Variants in LRRC32 observed in about 807,000 individuals in gnomAD.
LRRC32 encodes transforming growth factor beta activator LRRC32.
LRRC32 carries 5 observed loss-of-function variants against 15.0 expected under a neutral mutation model. The ratio of observed to expected loss-of-function variants is 0.33; its 90% CI spans 0.17 to 0.70. LRRC32 has a LOEUF of 0.70. LRRC32 is among the 30% of genes least tolerant of loss of function. LRRC32 has a pLI of 0.66. For missense variants in LRRC32, 803 were observed against 854.2 expected (o/e 0.94, Z 0.75); for synonymous variants, 391 against 403.9 (o/e 0.97, Z 0.38).
intron 1 of LRRC32, among the ~76,000 whole-genome samples, chr11:76,666,870 A>C (rs1952634665): frequency 6.6e-6 from 1 of 152,230 alleles, no homozygotes. Flanking sequence ...CTGGGAACTC[A>C]AAAAACAAAT....
In LRRC32 at chr11:76,670,709, C is replaced by G. The variant is rs1053688137; in HGVS notation, c.-100G>C. 6.6e-6 allele frequency: 1 copy of G among 152,132 alleles called. No homozygotes were observed. The highest frequency in any genetic ancestry group is 6.5e-5 in the Admixed American group (1 of 15,290). 9.4% of individuals were successfully genotyped at this position (152,132 alleles called of 1,614,324 possible). On this transcript the variant is annotated 5_prime_UTR_variant, in exon 1 of 3. Coordinates refer to ENST00000260061, the MANE Select transcript of LRRC32 (RefSeq NM_001128922.2). Reference sequence around the variant, plus strand: ...CCCACCCCGCGCCAGACCCCGGGGTCACGGCCCGAGGAGGAGCAGGCCGCT... The same window carrying G: ...CCCACCCCGCGCCAGACCCCGGGGTGACGGCCCGAGGAGGAGCAGGCCGCT...
intron 2 of LRRC32, 111 bp downstream of exon 2, chr11:76,665,760 C>T (rs1448390583): frequency 2.7e-6 from 4 of 1,505,878 alleles, no homozygotes; most frequent in Non-Finnish European, 3.6e-6. Flanking sequence ...AGGTACATTC[C>T]CTTTCCTCTC....
At chr11:76,668,018 A>G (rs144323445) in intron 1 of LRRC32, among the ~76,000 whole-genome samples, 25 of 152,328 alleles carry the variant, frequency 1.6e-4, no homozygotes, top group African/African-American at 6.0e-4. Flanking sequence ...CACAGCACCA[A>G]GCCCTCCGTG....
Position 76,660,864 on chromosome 11 carries a change from G to A in LRRC32, c.729C>T (p.Phe243=). 6.2e-7 allele frequency: 1 copy of A among 1,614,194 alleles called. No homozygotes were observed. Among genetic ancestry groups the A allele is most frequent in the Non-Finnish European group, 8.5e-7 (1 of 1,180,020 alleles). The stretch of plus-strand genomic sequence containing the variant: ...CCCGCAGGTCAAGCCAGGTGAGCTG[G>A]AACTCAGCCTGGGGCTGGGAGGCCG... ...FQTASQPQAE[F]QLTWLDLREN... The change falls in exon 3 of 3, where the codon TTC becomes TTT. Residue 243 remains phenylalanine (F), a synonymous_variant. Transcript: ENST00000260061.
At position 76,659,412 on chromosome 11, in the gene LRRC32, A is replaced by G. The variant is rs1189083293; in HGVS notation, c.*192T>C. The G allele has an allele frequency of 4.9e-6, 3 of 613,552 alleles. No individual in the cohort carries two copies. The highest frequency in any genetic ancestry group is 8.4e-6 in the Non-Finnish European group (3 of 357,480). The allele number at this position is 613,552 out of a possible 1,614,324, so 38.0% of individuals were successfully genotyped here. ...TGAAACCGCCCAACTTCTGGCTTCCACAGCTGGACCCAAAGTGCAGCCCGG... is the reference window on the plus strand; with the variant it reads ...TGAAACCGCCCAACTTCTGGCTTCCGCAGCTGGACCCAAAGTGCAGCCCGG... On this transcript the variant is annotated 3_prime_UTR_variant, in exon 3 of 3. Coordinates refer to ENST00000260061, the MANE Select transcript of LRRC32 (RefSeq NM_001128922.2).
chr11:76,660,183 C>G lies in LRRC32; in HGVS notation c.1410G>C (p.Glu470Asp), dbSNP rs1453318872. The G allele has an allele frequency of 6.3e-7, 1 of 1,593,276 alleles. No homozygotes were observed. The highest frequency in any genetic ancestry group is 1.1e-5 in the South Asian group (1 of 88,258). Residue 470 changes from glutamate (E) to aspartate (D), a missense_variant, in exon 3 of 3, where the codon GAG becomes GAC. By Grantham distance (45) the Glu-to-Asp change is conservative. Transcript: ENST00000260061. ...AGAFLHTPLT[E>D]LDLSSNPGLE... ...GCCCAGGATTGGAAGAAAGGTCCAG[C>G]TCAGTCAGTGGGGTGTGGAGGAAGG...
At chr11:76,668,233 C>T (rs539799288) in intron 1 of LRRC32, among the ~76,000 whole-genome samples, 4 of 152,272 alleles carry the variant, frequency 2.6e-5, no homozygotes, top group Non-Finnish European at 4.4e-5. Flanking sequence ...CCATCCATGC[C>T]GTCAGTGGGC....
intron 1 of LRRC32, among the ~76,000 whole-genome samples, chr11:76,666,497 C>G (rs373310966): frequency 1.2e-4 from 19 of 152,340 alleles, no homozygotes; most frequent in Non-Finnish European, 1.9e-4. Flanking sequence ...CTCTGATTCT[C>G]GAGCCCTTGC....
chr11:76,660,946 C>T lies in LRRC32; in HGVS notation c.647G>A (p.Ser216Asn), dbSNP rs1446320023. 2 of 1,614,044 alleles carry T rather than the reference C, an allele frequency of 1.2e-6. No individual in the cohort carries two copies. Among genetic ancestry groups the T allele is most frequent in the African/African-American group, 1.3e-5 (1 of 74,938 alleles). The change falls in exon 3 of 3, where the codon AGC (serine) becomes AAC (asparagine). Residue 216 changes from serine to asparagine, a missense_variant. By Grantham distance (46) the Ser-to-Asn change is conservative. Coordinates refer to ENST00000260061, the MANE Select transcript of LRRC32 (RefSeq NM_001128922.2). ...RNSLTCISDF[S>N]LQQLRVLDLS... ...GTCTAGCACCCGCAGCTGCTGGAGG[C>T]TGAAGTCGGAGATGCAGGTGAGGGA...
Position 76,665,851 on chromosome 11 carries a change from G to C in LRRC32, c.84+20C>G. On this transcript the variant is annotated intron_variant, in intron 2 of 2. Transcript: ENST00000260061. ...GGGAGGTGGGGGTGGTCCTCACCCT[G>C]TCTGGGCAGAGCATCTTACCATCTT... 25 of 1,613,970 alleles carry C rather than the reference G, an allele frequency of 1.5e-5. No individual in the cohort carries two copies. The highest frequency in any genetic ancestry group is 2.0e-5 in the Non-Finnish European group (24 of 1,179,914).
At chr11:76,664,046 C>T (rs1278084542) in intron 2 of LRRC32, among the ~76,000 whole-genome samples, 1 of 152,212 alleles carries the variant, frequency 6.6e-6, no homozygotes, top group Non-Finnish European at 1.5e-5. Context: ...GACCCACTTA[C>T]TGACTGTTAC....
rs1952452214 is a variant in LRRC32, at chr11:76,658,550, G to A, written c.*1054C>T. On this transcript the variant is annotated 3_prime_UTR_variant, in exon 3 of 3. Coordinates refer to ENST00000260061, the MANE Select transcript of LRRC32 (RefSeq NM_001128922.2). Reference sequence around the variant, plus strand: ...CTGCAGTGGTAAAGATCAGGCCCTGGAGACAGAAGGATGAAGGTTTGAATC... The same window carrying A: ...CTGCAGTGGTAAAGATCAGGCCCTGAAGACAGAAGGATGAAGGTTTGAATC... The A allele has an allele frequency of 6.6e-6, 1 of 152,320 alleles. No individual in the cohort carries two copies. Among genetic ancestry groups the A allele is most frequent in the Non-Finnish European group, 1.5e-5 (1 of 68,072 alleles). 9.4% of individuals were successfully genotyped at this position (152,320 alleles called of 1,614,324 possible).
chr11:76,670,712 G>A lies in LRRC32; in HGVS notation c.-103C>T, dbSNP rs1419724271. 1.3e-5 allele frequency: 2 copies of A among 152,138 alleles called. No individual in the cohort carries two copies. Among genetic ancestry groups the A allele is most frequent in the Admixed American group, 6.5e-5 (1 of 15,284 alleles). The allele number at this position is 152,138 out of a possible 1,614,324, so 9.4% of individuals were successfully genotyped here. A position where few individuals can be genotyped will look rare whatever the true frequency, so the allele number is the denominator to read the frequency against. On this transcript the variant is annotated 5_prime_UTR_variant, in exon 1 of 3. Transcript: ENST00000260061. ...ACCCCGCGCCAGACCCCGGGGTCAC[G>A]GCCCGAGGAGGAGCAGGCCGCTCAG...
Position 76,665,928 on chromosome 11 carries a change from C to T in LRRC32, c.27G>A (p.Leu9=). The change falls in exon 2 of 3, where the codon CTG becomes CTA. Residue 9 remains leucine, a synonymous_variant. Transcript: ENST00000260061. ...CAGCCAGGCCTAGGGTCAGCAGGGC[C>T]AGGAGCAGCAGGATCTGGGGTCTCA... The part of the protein sequence containing the change: MRPQILLL[L]ALLTLGLAAQ... The T allele has an allele frequency of 6.2e-7, 1 of 1,614,050 alleles. No homozygotes were observed. The highest frequency in any genetic ancestry group is 8.5e-7 in the Non-Finnish European group (1 of 1,179,964).
intron 1 of LRRC32, among the ~76,000 whole-genome samples, chr11:76,666,256 C>G (rs1952624310): frequency 6.6e-6 from 1 of 152,194 alleles, no homozygotes; most frequent in Admixed American, 6.5e-5. Flanking sequence ...TGGCGGAAGA[C>G]AGCCTGGAGG....
In LRRC32 at chr11:76,660,202, A is replaced by G. The variant is rs1952490032; in HGVS notation, c.1391T>C (p.Leu464Pro). 6.3e-7 allele frequency: 1 copy of G among 1,582,212 alleles called. No homozygotes were observed. The highest frequency in any genetic ancestry group is 1.8e-5 in the Admixed American group (1 of 54,788). Residue 464 changes from leucine (L) to proline (P), a missense_variant, in exon 3 of 3, where the codon CTC (leucine) becomes CCC (proline). Transcript: ENST00000260061. The stretch of plus-strand genomic sequence containing the variant: ...GTCCAGCTCAGTCAGTGGGGTGTGG[A>G]GGAAGGCCCCTGCCCTGAGCAGCTC... ...EIELLRAGAFLHTPLTELDLS... is the reference protein window; with the variant it reads ...EIELLRAGAFPHTPLTELDLS...
At chr11:76,664,937 G>A (rs897525806) in intron 2 of LRRC32, among the ~76,000 whole-genome samples, 1 of 152,250 alleles carries the variant, frequency 6.6e-6, no homozygotes, top group African/African-American at 2.4e-5. Context: ...CGGGCAGGCA[G>A]CTGCCTGCAC....
In LRRC32 at chr11:76,660,731, T is replaced by C; in HGVS notation, c.862A>G (p.Lys288Glu). ...RLPTGPPQDS[K>E]GIHAPSEGWS... ...CCCTCGGAAGGTGCGTGGATGCCCT[T>C]GCTGTCCTGGGGTGGCCCTGTGGGG... Residue 288 changes from lysine (K) to glutamate (E), a missense_variant, in exon 3 of 3, where the codon AAG (lysine) becomes GAG (glutamate). Physicochemically the swap from Lys to Glu is moderately conservative, Grantham distance 56. Coordinates refer to ENST00000260061, the MANE Select transcript of LRRC32 (RefSeq NM_001128922.2). 2 of 1,613,928 alleles carry C rather than the reference T, an allele frequency of 1.2e-6. No homozygotes were observed. Among genetic ancestry groups the C allele is most frequent in the Non-Finnish European group, 1.7e-6 (2 of 1,179,976 alleles).
In LRRC32 at chr11:76,660,960, G is replaced by A. The variant is rs758485811; in HGVS notation, c.633C>T (p.Cys211=). 10 of 1,614,190 alleles carry A rather than the reference G, an allele frequency of 6.2e-6. No homozygotes were observed. Among genetic ancestry groups the A allele is most frequent in the African/African-American group, 1.3e-5 (1 of 75,072 alleles). ...GCTGCTGGAGGCTGAAGTCGGAGAT[G>A]CAGGTGAGGGAATTCCTGGAGAGGT... is the stretch of plus-strand genomic sequence containing the variant. The part of the protein sequence containing the change: ...HLNLSRNSLT[C]ISDFSLQQLR... The change falls in exon 3 of 3, where the codon TGC becomes TGT. Residue 211 remains cysteine, a synonymous_variant. Coordinates refer to ENST00000260061, the MANE Select transcript of LRRC32 (RefSeq NM_001128922.2).
Sources: allele counts gnomAD v4.1 joint callset (sites outside exome capture counted in the v4.1 genomes callset), GRCh38; gene constraint gnomAD v4.1.1; transcripts MANE v1.5; gene names NCBI Gene and HGNC (gene_info 2026-07-23, HGNC 2026-07-21).